The following RABL6 variants were observed in gnomAD, a reference collection of about 807,000 sequenced individuals.
RABL6 encodes the protein RAB, member RAS oncogene family like 6, also known as rab-like protein 6.
RABL6 carries 28 observed loss-of-function variants against 72.9 expected under a neutral mutation model. The ratio of observed to expected loss-of-function variants is 0.38; its 90% CI spans 0.28 to 0.53. RABL6 has a LOEUF of 0.53. Ranked by LOEUF, RABL6 falls within the 20% of genes least tolerant of loss-of-function variation. The pLI, the probability that RABL6 is intolerant of heterozygous loss-of-function variation, is 0.80. For missense variants in RABL6, 1,029 were observed against 1,008.4 expected (o/e 1.02, Z -0.28); for synonymous variants, 477 against 421.2 (o/e 1.13, Z -1.62).
chr9:136,820,126 T>C (rs1435851176), intron 1 of RABL6, among the ~76,000 whole-genome samples: 2 of 142,028 alleles, frequency 1.4e-5, no homozygotes. Context: ...TGGAATCCAG[T>C]AGGTGGAGGT....
chr9:136,834,508 G>T (rs1019169726), intron 7 of RABL6: 30 of 948,128 alleles, frequency 3.2e-5, no homozygotes, highest in Non-Finnish European at 3.8e-5. Flanking sequence ...TGGAGACGGA[G>T]TCTCACTCTG....
chr9:136,812,927 C>T, intron 1 of RABL6: 1 of 342,666 alleles, frequency 2.9e-6, no homozygotes, highest in Non-Finnish European at 5.8e-6. Flanking sequence ...CCAAAGCCAC[C>T]TTCGCCCTTA....
intron 1 of RABL6, chr9:136,815,017 T>A (rs1271518627): frequency 5.7e-6 from 1 of 176,980 alleles, no homozygotes; most frequent in East Asian, 1.8e-4. Flanking sequence ...TTCCTTTGGC[T>A]GGTGTTGTTT....
intron 2 of RABL6, 74 bp from the exon 3 acceptor site, chr9:136,825,705 C>T: frequency 6.6e-7 from 1 of 1,522,982 alleles, no homozygotes; most frequent in Non-Finnish European, 9.1e-7. Context: ...CAGACAACCA[C>T]ACCAGCTGGA....
In RABL6 at chr9:136,835,763, C is replaced by A. The variant is rs781322524; in HGVS notation, c.727C>A (p.Leu243Met). 1 of 1,550,144 alleles carries A rather than the reference C, an allele frequency of 6.5e-7. No homozygotes were observed. Residue 243 changes from leucine (L) to methionine (M), a missense_variant, in exon 8 of 15, where the codon CTG (leucine) becomes ATG (methionine). Leu to Met is a conservative substitution (Grantham distance 15, BLOSUM62 2). Around this residue, in one of 2 missense-constraint regions of RABL6, gnomAD observed 434 missense variants for 536.1 expected, o/e 0.81. Coordinates refer to ENST00000311502, the MANE Select transcript of RABL6 (RefSeq NM_024718.5). ...GCAGAGGGAGACGCTGTTGCGGCAG[C>A]TGGAGACGAACCAGCTGGACATGGA... ...QLQRETLLRQ[L>M]ETNQLDMDAT... is the part of the protein sequence containing the mutation.
At chr9:136,812,887 T>TC (rs1480288378) in intron 1 of RABL6, 3 of 334,768 alleles carry the variant, frequency 9.0e-6, no homozygotes, top group Non-Finnish European at 5.9e-6. Context: ...CACCTCATCC[T>TC]CCAAAGCTTC....
At position 136,841,097 on chromosome 9, in the gene RABL6, G is replaced by GC. The variant is rs775575964; in HGVS notation, c.*580dup. ...TGTTTCCCACAGTGGCCTCAGCTGC[G>GC]CCCCCGCTCAGGTGAGCCCGAAGGC... is the stretch of plus-strand genomic sequence containing the variant. On this transcript the variant is annotated 3_prime_UTR_variant, in exon 15 of 15. Coordinates refer to ENST00000311502, the MANE Select transcript of RABL6 (RefSeq NM_024718.5). 2.8e-5 allele frequency: 39 copies of GC among 1,369,396 alleles called. No individual in the cohort carries two copies. The highest frequency in any genetic ancestry group is 2.7e-4 in the Middle Eastern group (1 of 3,746). The allele number at this position is 1,369,396 out of a possible 1,614,324, so 84.8% of individuals were successfully genotyped here.
chr9:136,839,318 G>C lies in RABL6; in HGVS notation c.1590G>C (p.Pro530=), dbSNP rs374795857. The C allele has an allele frequency of 1.0e-4, 168 of 1,612,298 alleles. No homozygotes were observed. Among genetic ancestry groups the C allele is most frequent in the Non-Finnish European group, 1.2e-4 (145 of 1,179,718 alleles). Residue 530 remains proline, a synonymous_variant, in exon 12 of 15, where the codon CCG becomes CCC. Transcript: ENST00000311502. ...WPGGVSVRTG[P]EKRSSTRPPA... ...GCGGTGTCTCTGTTCGCACAGGTCCGGAGAAGCGCAGCAGCACCAGGCCCC... is the reference window on the plus strand; with the variant it reads ...GCGGTGTCTCTGTTCGCACAGGTCCCGAGAAGCGCAGCAGCACCAGGCCCC...
chr9:136,823,388 C>A, intron 1 of RABL6, 137 bp from the exon 2 acceptor site: 2 of 1,217,514 alleles, frequency 1.6e-6, no homozygotes, highest in East Asian at 5.3e-5. Context: ...CCCTGCCTGC[C>A]GGTCACCTGG....
chr9:136,809,089 T>G (rs981233256), intron 1 of RABL6: 1 of 152,326 alleles, frequency 6.6e-6, no homozygotes, highest in Non-Finnish European at 1.5e-5. Flanking sequence ...GTTCCCTGTT[T>G]TGACATTGCT....
chr9:136,839,409 A>G lies in RABL6; in HGVS notation c.1681A>G (p.Ile561Val), dbSNP rs1175110655. The change falls in exon 12 of 15, where the codon ATT becomes GTT. Residue 561 changes from isoleucine (I) to valine (V), a missense_variant. Physicochemically the swap from Ile to Val is conservative, Grantham distance 29. Coordinates refer to ENST00000311502, the MANE Select transcript of RABL6 (RefSeq NM_024718.5). ...SSSESDPEGP[I>V]AAQMLSFVMD... is the part of the protein sequence containing the mutation. ...GTCGGAGAGTGACCCCGAGGGACCC[A>G]TTGCTGCACAAATGCTGTCCTTCGT... The G allele has an allele frequency of 3.1e-6, 5 of 1,612,538 alleles. No individual in the cohort carries two copies. The highest frequency in any genetic ancestry group is 1.1e-5 in the South Asian group (1 of 91,012).
chr9:136,840,197 G>A lies in RABL6; in HGVS notation c.1974G>A (p.Lys658=), dbSNP rs756846708. The A allele has an allele frequency of 6.1e-5, 98 of 1,612,578 alleles. No homozygotes were observed. The highest frequency in any genetic ancestry group is 1.8e-4 in the East Asian group (8 of 44,874). The change falls in exon 14 of 15, where the codon AAG becomes AAA. Residue 658 remains lysine, a synonymous_variant. Transcript: ENST00000311502. Reference sequence around the variant, plus strand: ...CCTCTAAGGAGAAGAAGAAGAAGAAGAAAAAAGGCAAAGAGGTACTGGCTA... The same window carrying A: ...CCTCTAAGGAGAAGAAGAAGAAGAAAAAAAAAGGCAAAGAGGTACTGGCTA... ...KTPSKEKKKK[K]KKGKEEEEKA... is the part of the protein sequence containing the mutation.
Position 136,838,943 on chromosome 9 carries a change from G to A in RABL6, c.1315G>A (p.Ala439Thr). The A allele has an allele frequency of 6.2e-7, 1 of 1,607,358 alleles. No homozygotes were observed. Among genetic ancestry groups the A allele is most frequent in the Non-Finnish European group, 8.5e-7 (1 of 1,177,042 alleles). ...GGCCCTGGGCGGCAACCCGATGGTG[G>A]CAGGGTTCCAGGACGATGTGGACCT... is the stretch of plus-strand genomic sequence containing the variant. Reference protein sequence around the residue: ...GEALGGNPMVAGFQDDVDLED... With the variant: ...GEALGGNPMVTGFQDDVDLED... Residue 439 changes from alanine (A) to threonine (T), a missense_variant, in exon 11 of 15, where the codon GCA becomes ACA. By Grantham distance (58) the Ala-to-Thr change is moderately conservative (BLOSUM62 0). This residue lies in a region of RABL6 where 595 missense variants were observed against 472.4 expected (regional missense o/e 1.26). Coordinates refer to ENST00000311502, the MANE Select transcript of RABL6 (RefSeq NM_024718.5).
At chr9:136,828,755 G>A (rs1354591127) in intron 4 of RABL6, among the ~76,000 whole-genome samples, 3 of 152,142 alleles carry the variant, frequency 2.0e-5, no homozygotes, top group African/African-American at 4.8e-5. Flanking sequence ...CAGACATCAC[G>A]TTGGACTGAC....
Position 136,829,425 on chromosome 9 carries a change from C to T in RABL6, c.399C>T (p.Phe133=). The change falls in exon 5 of 15, where the codon TTC becomes TTT. Residue 133 remains phenylalanine, a synonymous_variant. Coordinates refer to ENST00000311502, the MANE Select transcript of RABL6 (RefSeq NM_024718.5). ...AESEMALDAE[F]LDVYKNCNGV... is the part of the protein sequence containing the mutation. The stretch of plus-strand genomic sequence containing the variant: ...CTGAAATGGCCCTGGATGCTGAGTT[C>T]CTGGACGTGTACAAGAACTGCAACG... The T allele has an allele frequency of 6.3e-7, 1 of 1,584,024 alleles. No homozygotes were observed. Among genetic ancestry groups the T allele is most frequent in the Non-Finnish European group, 8.6e-7 (1 of 1,165,336 alleles).
At chr9:136,832,666 G>C (rs1330050880) in intron 7 of RABL6, 2 of 425,634 alleles carry the variant, frequency 4.7e-6, no homozygotes, top group Admixed American at 3.5e-5. Context: ...AGGTCTTGCT[G>C]TGTGGCCCAG....
rs904680688 is a variant in RABL6 at position 136,840,365 on chromosome 9, G to A, written c.2033G>A (p.Ser678Asn). The A allele has an allele frequency of 5.8e-6, 9 of 1,557,618 alleles. No homozygotes were observed. The highest frequency in any genetic ancestry group is 7.8e-6 in the Non-Finnish European group (9 of 1,151,024). The part of the protein sequence containing the change: ...AAKKKSKHKK[S>N]KDKEEGKEER... The stretch of plus-strand genomic sequence containing the variant: ...AAGAAGAAGAGCAAACACAAGAAGA[G>A]CAAGGACAAGGAGGAGGGCAAGGAG... The change falls in exon 15 of 15, where the codon AGC (serine) becomes AAC (asparagine). Residue 678 changes from serine (S) to asparagine (N), a missense_variant. Physicochemically the swap from Ser to Asn is conservative, Grantham distance 46. This residue lies in a region of RABL6 where 595 missense variants were observed against 472.4 expected (regional missense o/e 1.26). Transcript: ENST00000311502.
chr9:136,820,383 G>GT (rs972358362), intron 1 of RABL6, among the ~76,000 whole-genome samples: 22 of 150,776 alleles, frequency 1.5e-4, no homozygotes, highest in Non-Finnish European at 2.8e-4. Context: ...TAATTTTGTT[G>GT]TTTTTTTTGA....
rs542433243 is a variant in RABL6, at chr9:136,837,564, C to T, written c.1028C>T (p.Pro343Leu). The change falls in exon 9 of 15, where the codon CCC becomes CTC. Residue 343 changes from proline (P) to leucine (L), a missense_variant. By Grantham distance (98) the Pro-to-Leu change is moderately conservative. Transcript: ENST00000311502. ...CCTGTACCACCCTCAGAGGCCCTGC[C>T]CCCACCTGCGTGCCCCTCAGCCCCC... ...VPPVPPSEAL[P>L]PPACPSAPAP... 1.7e-4 allele frequency: 264 copies of T among 1,570,790 alleles called. 2 individuals carry two copies. In the South Asian group the frequency reaches 2.9e-3, roughly 17 times the overall value.
Sources: gnomAD v4.1 joint callset for allele counts (sites outside exome capture counted in the v4.1 genomes callset) on GRCh38, gnomAD v4.1.1 for gene constraint, gnomAD v4.1.1 regional missense constraint, MANE v1.5 for transcripts, NCBI Gene and HGNC (gene_info 2026-07-23, HGNC 2026-07-21) for gene names.